DSCAM: variants seen among roughly 807,000 people sequenced by gnomAD.
The protein encoded by DSCAM is DS cell adhesion molecule.
DSCAM carries 47 observed loss-of-function variants against 217.7 expected under a neutral mutation model. The observed-to-expected ratio is 0.22, with a 90% confidence interval of 0.17 to 0.28. DSCAM has a LOEUF of 0.28. Ranked by LOEUF, DSCAM falls within the 10% of genes least tolerant of loss-of-function variation. The pLI is 1.00. For synonymous variants in DSCAM, 1,056 were observed against 1,015.3 expected (o/e 1.04, Z -0.76); for missense variants, 2,080 against 2,618.3 (o/e 0.79, Z 4.49).
intron 3 of DSCAM, among the ~76,000 whole-genome samples, chr21:40,589,614 C>A (rs1029925092): frequency 3.7e-4 from 57 of 152,022 alleles, no homozygotes; most frequent in African/African-American, 1.3e-3. Flanking sequence ...AACAAAAAAC[C>A]AACTAATAAA....
intron 4 of DSCAM, among the ~76,000 whole-genome samples, chr21:40,361,148 A>G (rs1288790669): frequency 6.7e-6 from 1 of 149,998 alleles, no homozygotes; most frequent in Non-Finnish European, 1.5e-5. Context: ...TATATATATT[A>G]CAAAAATTAT....
At chr21:40,510,247 G>GT (rs532398807) in intron 3 of DSCAM, among the ~76,000 whole-genome samples, 1 of 151,968 alleles carries the variant, frequency 6.6e-6, no homozygotes, top group African/African-American at 2.4e-5. Context: ...ATATAGGCTA[G>GT]GCTTCTAAAA....
chr21:40,167,336 C>T (rs73362176), intron 15 of DSCAM, 48 bp from the exon 16 acceptor site: 1 of 1,568,066 alleles, frequency 6.4e-7, no homozygotes, highest in African/African-American at 1.4e-5. Context: ...CTTTCCGGAG[C>T]AGATCGAAGC....
chr21:40,221,734 G>T (rs561925849), intron 11 of DSCAM, among the ~76,000 whole-genome samples: 1 of 152,158 alleles, frequency 6.6e-6, no homozygotes, highest in Non-Finnish European at 1.5e-5. Context: ...TCTCACGGCC[G>T]TTGTGGTCTT....
At chr21:40,568,868 T>G (rs2146199880) in intron 3 of DSCAM, among the ~76,000 whole-genome samples, 1 of 152,288 alleles carries the variant, frequency 6.6e-6, no homozygotes, top group South Asian at 2.1e-4. Flanking sequence ...TCCTCCTTTC[T>G]GTTACCACGA....
intron 19 of DSCAM, among the ~76,000 whole-genome samples, chr21:40,128,575 G>C (rs957240382): frequency 3.3e-5 from 5 of 152,024 alleles, no homozygotes; most frequent in Non-Finnish European, 7.4e-5. Flanking sequence ...AGAGGTCAGA[G>C]GGATTGGAAG....
intron 3 of DSCAM, among the ~76,000 whole-genome samples, chr21:40,555,314 A>G (rs928880325): frequency 3.3e-5 from 5 of 152,220 alleles, no homozygotes; most frequent in Non-Finnish European, 7.3e-5. Context: ...TCAGGCAGAT[A>G]TTTTCCAGAT....
intron 3 of DSCAM, among the ~76,000 whole-genome samples, chr21:40,519,527 G>A (rs1307975043): frequency 5.9e-5 from 9 of 152,168 alleles, no homozygotes; most frequent in African/African-American, 9.7e-5. Flanking sequence ...GCAAGAAGGC[G>A]CTGTCTATGA....
At chr21:40,617,867 C>T in intron 3 of DSCAM, among the ~76,000 whole-genome samples, 1 of 152,200 alleles carries the variant, frequency 6.6e-6, no homozygotes, top group Middle Eastern at 3.2e-3. Context: ...TCTTCCTTCC[C>T]ACCAAAATTC....
chr21:40,355,877 G>C (rs571859680), intron 4 of DSCAM, among the ~76,000 whole-genome samples: 1 of 152,296 alleles, frequency 6.6e-6, no homozygotes, highest in East Asian at 1.9e-4. Flanking sequence ...ATGTATGTGA[G>C]AAAAGACAGT....
At chr21:40,147,761 T>G (rs1343811771) in intron 16 of DSCAM, among the ~76,000 whole-genome samples, 15 of 152,218 alleles carry the variant, frequency 9.9e-5, no homozygotes, top group Admixed American at 9.8e-4. Context: ...TAATATGCTA[T>G]TATGATTATA....
intron 1 of DSCAM, among the ~76,000 whole-genome samples, chr21:40,820,631 T>A (rs867073223): frequency 6.7e-4 from 102 of 152,254 alleles, no homozygotes; most frequent in African/African-American, 2.2e-3. Flanking sequence ...TAAAATAAAA[T>A]TTTTTTAAAT....
chr21:40,025,948 T>G (rs1020493376), intron 32 of DSCAM, among the ~76,000 whole-genome samples: 1 of 148,876 alleles, frequency 6.7e-6, no homozygotes, highest in African/African-American at 2.5e-5. Flanking sequence ...TTTCTAGTTC[T>G]TTTAATTGTG....
chr21:40,124,083 A>G (rs1601354875), intron 20 of DSCAM, 112 bp downstream of exon 20: 3 of 1,473,606 alleles, frequency 2.0e-6, no homozygotes, highest in Non-Finnish European at 1.9e-6. Flanking sequence ...AAACAAAACC[A>G]CTGGAAAGAC....
At chr21:40,021,058 G>C (rs116994069) in intron 32 of DSCAM, among the ~76,000 whole-genome samples, 71 of 151,694 alleles carry the variant, frequency 4.7e-4, no homozygotes, top group Non-Finnish European at 9.4e-4. Flanking sequence ...GAATAAGGCT[G>C]GGGGGGTGTG....
At chr21:40,060,735 A>G (rs2089104880) in intron 28 of DSCAM, among the ~76,000 whole-genome samples, 1 of 152,202 alleles carries the variant, frequency 6.6e-6, no homozygotes, top group Non-Finnish European at 1.5e-5. Flanking sequence ...CCTCATTTTA[A>G]ATGTCATCAA....
chr21:40,632,719 T>C (rs372600411), intron 3 of DSCAM, among the ~76,000 whole-genome samples: 3 of 152,332 alleles, frequency 2.0e-5, no homozygotes, highest in African/African-American at 7.2e-5. Flanking sequence ...GGCCGGTGGC[T>C]TTCATTCCAC....
intron 32 of DSCAM, among the ~76,000 whole-genome samples, chr21:40,030,972 C>T (rs1263796826): frequency 2.0e-5 from 3 of 152,148 alleles, no homozygotes; most frequent in Admixed American, 1.3e-4. Flanking sequence ...AGAGGCCATC[C>T]CCTGTACCTC....
At chr21:40,232,626 T>C (rs1429624008) in intron 11 of DSCAM, among the ~76,000 whole-genome samples, 2 of 152,208 alleles carry the variant, frequency 1.3e-5, no homozygotes, top group Admixed American at 6.5e-5. Context: ...TAGAATTCCA[T>C]ACAGAGATGT....
Sources: allele counts gnomAD v4.1 joint callset (sites outside exome capture counted in the v4.1 genomes callset), GRCh38; gene constraint gnomAD v4.1.1; transcripts MANE v1.5; gene names NCBI Gene and HGNC (gene_info 2026-07-23, HGNC 2026-07-21).